AGBL4: variants seen among roughly 807,000 people sequenced by gnomAD.
AGBL4 encodes the protein AGBL carboxypeptidase 4.
In AGBL4, 58 loss-of-function variants were observed where a neutral mutation model predicts 66.4. The observed-to-expected ratio is 0.87, with a 90% CI of 0.71 to 1.09. The LOEUF is 1.09. AGBL4 is among the 50% of genes least tolerant of loss of function. AGBL4 has a pLI of 0.00. For synonymous variants in AGBL4, 234 were observed against 222.9 expected, an observed-to-expected ratio of 1.05 and a Z score of -0.44; for missense variants, 579 against 631.0, an observed-to-expected ratio of 0.92 and a Z score of 0.88.
rs181812990 is a variant in AGBL4 at position 49,184,092 on chromosome 1, A to C, written c.377+61678T>G. 8.5e-5 allele frequency among the ~76,000 whole-genome samples: 13 copies of C among 152,218 alleles called. No homozygotes were observed. In the East Asian group the frequency reaches 1.5e-3, roughly 18 times the overall value. ...AACATTAAAGATAAATAAAAGAAGA[A>C]AAAAACTAACATTTACAAGGTGCCA... On this transcript the variant is annotated intron_variant, in intron 4 of 13. Coordinates refer to ENST00000371839, the MANE Select transcript of AGBL4 (RefSeq NM_032785.4).
chr1:48,895,331 T>C (rs952244030), intron 5 of AGBL4, among the ~76,000 whole-genome samples: 4 of 152,248 alleles, frequency 2.6e-5, no homozygotes, highest in Non-Finnish European at 5.9e-5. Flanking sequence ...ATGATCTTCC[T>C]GCACTTTCCT....
intron 4 of AGBL4, among the ~76,000 whole-genome samples, chr1:49,090,155 C>A (rs1644977136): frequency 6.6e-6 from 1 of 152,086 alleles, no homozygotes; most frequent in African/African-American, 2.4e-5. Flanking sequence ...AAGCTGGAAG[C>A]ATTCTCTTTG....
intron 3 of AGBL4, among the ~76,000 whole-genome samples, chr1:49,674,470 G>GC (rs1443740273): frequency 2.0e-5 from 3 of 149,824 alleles, no homozygotes; most frequent in Non-Finnish European, 4.4e-5. Flanking sequence ...ACAAAACTTG[G>GC]CCCAGAGGAG....
chr1:49,286,263 T>C (rs1644407007), intron 3 of AGBL4, among the ~76,000 whole-genome samples: 1 of 152,036 alleles, frequency 6.6e-6, no homozygotes, highest in East Asian at 1.9e-4. Flanking sequence ...TCATACTGAA[T>C]GGGCAAAAAC....
chr1:49,990,939 A>G, intron 1 of AGBL4, among the ~76,000 whole-genome samples: 1 of 152,332 alleles, frequency 6.6e-6, no homozygotes, highest in South Asian at 2.1e-4. Context: ...ATCATCACTA[A>G]CATATCATAT....
intron 11 of AGBL4, among the ~76,000 whole-genome samples, chr1:48,576,213 T>C (rs532492673): frequency 1.0e-3 from 157 of 152,316 alleles, no homozygotes; most frequent in African/African-American, 3.7e-3. Flanking sequence ...TAGATTCTCA[T>C]AGGAATGCAA....
intron 1 of AGBL4, among the ~76,000 whole-genome samples, chr1:49,945,889 C>T (rs763099094): frequency 1.4e-4 from 21 of 151,806 alleles, no homozygotes; most frequent in Middle Eastern, 3.2e-3. Context: ...AAATGGACAA[C>T]GAAAGTGAGC....
chr1:48,998,971 C>G (rs1317444998), intron 5 of AGBL4, among the ~76,000 whole-genome samples: 1 of 152,176 alleles, frequency 6.6e-6, no homozygotes, highest in African/African-American at 2.4e-5. Flanking sequence ...GAAGCAGAAC[C>G]AGAACAGATG....
chr1:48,761,113 A>T (rs767539900), intron 6 of AGBL4: 6 of 509,922 alleles, frequency 1.2e-5, no homozygotes, highest in Non-Finnish European at 2.1e-5. Flanking sequence ...CTGTGCAAAC[A>T]GGACCAAGCT....
At chr1:49,579,463 T>C (rs1020074540) in intron 3 of AGBL4, among the ~76,000 whole-genome samples, 2 of 152,182 alleles carry the variant, frequency 1.3e-5, no homozygotes, top group Non-Finnish European at 2.9e-5. Flanking sequence ...GAATGTCCCA[T>C]GTGCTGATTA....
At chr1:49,124,487 C>T (rs906956135) in intron 4 of AGBL4, among the ~76,000 whole-genome samples, 23 of 152,180 alleles carry the variant, frequency 1.5e-4, no homozygotes, top group African/African-American at 4.8e-4. Context: ...CAACCCTGAC[C>T]GTAGCACTGC....
chr1:49,560,272 G>A (rs1644005481), intron 3 of AGBL4, among the ~76,000 whole-genome samples: 1 of 152,042 alleles, frequency 6.6e-6, no homozygotes, highest in Non-Finnish European at 1.5e-5. Context: ...ACTAAATAAA[G>A]AGACAGAGAT....
intron 6 of AGBL4, among the ~76,000 whole-genome samples, chr1:48,686,749 G>C (rs1570251740): frequency 6.6e-6 from 1 of 152,292 alleles, no homozygotes; most frequent in Middle Eastern, 3.4e-3. Flanking sequence ...TCAGTTGCTT[G>C]ATCTTGGTGA....
At chr1:48,669,626 A>C (rs1443812218) in intron 6 of AGBL4, among the ~76,000 whole-genome samples, 2 of 152,120 alleles carry the variant, frequency 1.3e-5, no homozygotes, top group African/African-American at 4.8e-5. Flanking sequence ...AGTTTCCCAG[A>C]CTTTATATAT....
At chr1:48,606,021 G>T (rs2148371995) in intron 9 of AGBL4, among the ~76,000 whole-genome samples, 1 of 152,282 alleles carries the variant, frequency 6.6e-6, no homozygotes, top group Non-Finnish European at 1.5e-5. Flanking sequence ...ACCCCGCATT[G>T]CAGATTTTGC....
chr1:49,163,814 A>G (rs1646583483), intron 4 of AGBL4, among the ~76,000 whole-genome samples: 1 of 152,188 alleles, frequency 6.6e-6, no homozygotes, highest in African/African-American at 2.4e-5. Flanking sequence ...GTAGAAGTTC[A>G]TAAGAGCCTC....
At chr1:49,853,249 C>A (rs751387361) in intron 1 of AGBL4, among the ~76,000 whole-genome samples, 13 of 151,844 alleles carry the variant, frequency 8.6e-5, no homozygotes, top group Non-Finnish European at 1.8e-4. Flanking sequence ...AAAATGAGAA[C>A]AAAATTCATG....
At chr1:49,694,034 A>G (rs537579121) in intron 3 of AGBL4, among the ~76,000 whole-genome samples, 108 of 152,312 alleles carry the variant, frequency 7.1e-4, no homozygotes, top group African/African-American at 2.5e-3. Context: ...ATTATTTCCT[A>G]GAAACATCAA....
chr1:49,134,636 G>C (rs921741255), intron 4 of AGBL4, among the ~76,000 whole-genome samples: 3 of 151,788 alleles, frequency 2.0e-5, no homozygotes, highest in Admixed American at 6.6e-5. Context: ...CAGACCTAAT[G>C]GTTATCTCCC....
Sources: allele counts gnomAD v4.1 joint callset (sites outside exome capture counted in the v4.1 genomes callset), GRCh38; gene constraint gnomAD v4.1.1; transcripts MANE v1.5; gene names NCBI Gene and HGNC (gene_info 2026-07-23, HGNC 2026-07-21).